The following LY6K variants were observed in gnomAD, a reference collection of about 807,000 sequenced individuals.
The protein encoded by LY6K is lymphocyte antigen 6K.
LY6K carries 9 observed loss-of-function variants against 10.4 expected under a neutral mutation model. The ratio of observed to expected loss-of-function variants is 0.87; its 90% confidence interval spans 0.52 to 1.52. The LOEUF (loss-of-function observed/expected upper bound fraction) is 1.52. Ranked by LOEUF, LY6K falls within the 40% of genes most tolerant of loss-of-function variation. The pLI, the probability that LY6K is intolerant of heterozygous loss-of-function variation, is 0.00. For synonymous variants in LY6K, 98 were observed against 83.7 expected, an observed-to-expected ratio of 1.17 and a Z score of -0.94; for missense variants, 217 against 211.7, an observed-to-expected ratio of 1.02 and a Z score of -0.15.
chr8:142,700,258 C>A lies in LY6K; in HGVS notation c.-270C>A. ...ACACGCGCCTTTCCCAGGGCTCCCG[C>A]GCCCGTTCCTGCCTGGCCGCCGGCC... On this transcript the variant is annotated 5_prime_UTR_variant, in exon 1 of 3. Coordinates refer to ENST00000292430, the MANE Select transcript of LY6K (RefSeq NM_017527.4). 9.1e-7 allele frequency: 1 copy of A among 1,096,370 alleles called. No homozygotes were observed. The highest frequency in any genetic ancestry group is 1.1e-6 in the Non-Finnish European group (1 of 873,248). The allele number at this position is 1,096,370 out of a possible 1,614,324, so 67.9% of individuals were successfully genotyped here. A position where few individuals can be genotyped will look rare whatever the true frequency, so the allele number is the denominator to read the frequency against.
Position 142,700,550 on chromosome 8 carries a change from T to C in LY6K, c.23T>C (p.Leu8Pro). MALLALL[L>P]VVALPRVWTD... is the part of the protein sequence containing the mutation. ...ACGATGGCGCTGCTCGCCTTGCTGC[T>C]GGTCGTGGCCCTACCGCGGGTGTGG... The change falls in exon 1 of 3, where the codon CTG becomes CCG. Residue 8 changes from leucine (L) to proline (P), a missense_variant. Physicochemically the swap from Leu to Pro is moderately conservative, Grantham distance 98 (BLOSUM62 -3). Coordinates refer to ENST00000292430, the MANE Select transcript of LY6K (RefSeq NM_017527.4). The C allele has an allele frequency of 6.3e-7, 1 of 1,587,432 alleles. No homozygotes were observed. The highest frequency in any genetic ancestry group is 1.1e-5 in the South Asian group (1 of 87,258).
In LY6K at chr8:142,700,389, T is replaced by A; in HGVS notation, c.-139T>A. 1 of 1,336,394 alleles carries A rather than the reference T, an allele frequency of 7.5e-7. No individual in the cohort carries two copies. The highest frequency in any genetic ancestry group is 9.6e-7 in the Non-Finnish European group (1 of 1,047,116). The allele number at this position is 1,336,394 out of a possible 1,614,324, so 82.8% of individuals were successfully genotyped here. The stretch of plus-strand genomic sequence containing the variant: ...AAAGACCCCGACAGGCCCCGGCGGG[T>A]GGGAGGCGCGCGCCCCGGGGCGGGC... On this transcript the variant is annotated 5_prime_UTR_variant, in exon 1 of 3. Coordinates refer to ENST00000292430, the MANE Select transcript of LY6K (RefSeq NM_017527.4).
At position 142,700,157 on chromosome 8, in the gene LY6K, A is replaced by T. The variant is rs1587556729; in HGVS notation, c.-371A>T. 1 of 224,882 alleles carries T rather than the reference A, an allele frequency of 4.4e-6. No homozygotes were observed. The highest frequency in any genetic ancestry group is 6.2e-5 in the Admixed American group (1 of 16,034). 13.9% of individuals were successfully genotyped at this position (224,882 alleles called of 1,614,324 possible). On this transcript the variant is annotated 5_prime_UTR_variant, in exon 1 of 3. Coordinates refer to ENST00000292430, the MANE Select transcript of LY6K (RefSeq NM_017527.4). ...TGCTCTTCAGCGGAGAAGATCCCCT[A>T]CCTGGCCGCCGGCCACTTTCTGTGG...
intron 2 of LY6K, chr8:142,702,770 G>C: frequency 6.7e-7 from 1 of 1,483,148 alleles, no homozygotes; most frequent in South Asian, 1.4e-5. Flanking sequence ...TGGGAGTCAT[G>C]TGTCTGTCTG....
intron 2 of LY6K, 190 bp from the exon 3 acceptor site, chr8:142,702,901 G>T: frequency 6.5e-7 from 1 of 1,549,764 alleles, no homozygotes; most frequent in Non-Finnish European, 8.7e-7. Context: ...GCAGAAGCCA[G>T]CCCTTCCCTG....
chr8:142,702,992 A>C, intron 2 of LY6K, 99 bp from the exon 3 acceptor site: 1 of 1,565,516 alleles, frequency 6.4e-7, no homozygotes, highest in Non-Finnish European at 8.7e-7. Context: ...ACCTTTGAGC[A>C]GGGCCGCCAG....
chr8:142,704,680 A>C lies in LY6K; in HGVS notation c.*1309A>C, dbSNP rs1266180134. On this transcript the variant is annotated 3_prime_UTR_variant, in exon 3 of 3. Transcript: ENST00000292430. ...GGTTGCCACGACCTTTGCCCTTGAC[A>C]TGTCTGCTTTTACTCTGATGGGACC... 1 of 152,148 alleles carries C rather than the reference A, an allele frequency of 6.6e-6. No homozygotes were observed. The highest frequency in any genetic ancestry group is 1.5e-5 in the Non-Finnish European group (1 of 68,028). The allele number at this position is 152,148 out of a possible 1,614,324, so 9.4% of individuals were successfully genotyped here.
rs1815126095 is a variant in LY6K, at chr8:142,703,465, C to G, written c.*94C>G. 1 of 1,466,812 alleles carries G rather than the reference C, an allele frequency of 6.8e-7. No homozygotes were observed. Among genetic ancestry groups the G allele is most frequent in the Non-Finnish European group, 9.1e-7 (1 of 1,103,020 alleles). 90.9% of individuals were successfully genotyped at this position (1,466,812 alleles called of 1,614,324 possible). ...ATTAAACTTGTTTTCTGTTGATTAC[C>G]TCTTGGTTTGACTTCCCAGGGTCTT... On this transcript the variant is annotated 3_prime_UTR_variant, in exon 3 of 3. Coordinates refer to ENST00000292430, the MANE Select transcript of LY6K (RefSeq NM_017527.4).
rs1554639966 is a variant in LY6K, at chr8:142,700,624, C to T, written c.97C>T (p.Arg33Ter). 1 of 1,554,042 alleles carries T rather than the reference C, an allele frequency of 6.4e-7. No homozygotes were observed. Among genetic ancestry groups the T allele is most frequent in the Non-Finnish European group, 8.7e-7 (1 of 1,151,744 alleles). Reference protein sequence around the residue: ...ARQRDPEDSQRTDEGDNRVWC... With the variant: ...ARQRDPEDSQ ...ACAACGAGATCCAGAGGACTCCCAG[C>T]GAACGGGTGAGCCTGGCTCGCCCTC... The change falls in exon 1 of 3, where the codon CGA (arginine) becomes TGA (stop). Residue 33 changes from arginine (R) to a stop codon, truncating the protein, a stop_gained. Coordinates refer to ENST00000292430, the MANE Select transcript of LY6K (RefSeq NM_017527.4). LOFTEE classifies it high-confidence loss of function.
At chr8:142,702,738 C>G in intron 2 of LY6K, 2 of 1,488,368 alleles carry the variant, frequency 1.3e-6, no homozygotes, top group Non-Finnish European at 1.8e-6. Flanking sequence ...AGCTCCACAC[C>G]CTGGGTGATG....
Position 142,703,222 on chromosome 8 carries a change from A to G in LY6K, c.349A>G (p.Lys117Glu). The change falls in exon 3 of 3, where the codon AAA becomes GAA. Residue 117 changes from lysine (K) to glutamate (E), a missense_variant. Transcript: ENST00000292430. ...PMPFFYLKCC[K>E]IRYCNLEGPP... ...GCCCTTCTTTTACCTCAAGTGTTGTAAAATTCGCTACTGCAATTTAGAGGG... is the reference window on the plus strand; with the variant it reads ...GCCCTTCTTTTACCTCAAGTGTTGTGAAATTCGCTACTGCAATTTAGAGGG... 6.2e-7 allele frequency: 1 copy of G among 1,614,184 alleles called. No homozygotes were observed. The highest frequency in any genetic ancestry group is 8.5e-7 in the Non-Finnish European group (1 of 1,180,030).
Position 142,700,446 on chromosome 8 carries a change from A to T in LY6K, c.-82A>T. On this transcript the variant is annotated 5_prime_UTR_variant, in exon 1 of 3. Coordinates refer to ENST00000292430, the MANE Select transcript of LY6K (RefSeq NM_017527.4). ...CCCCCTACCGGCCAGACCCGGGGAG[A>T]GGCGCGCGGAGGCTGCGAAGGTTCC... The T allele has an allele frequency of 6.8e-7, 1 of 1,468,538 alleles. No individual in the cohort carries two copies. Among genetic ancestry groups the T allele is most frequent in the African/African-American group, 1.5e-5 (1 of 68,420 alleles). 91.0% of individuals were successfully genotyped at this position (1,468,538 alleles called of 1,614,324 possible).
In LY6K at chr8:142,704,833, A is replaced by T. The variant is rs1287988338; in HGVS notation, c.*1462A>T. On this transcript the variant is annotated 3_prime_UTR_variant, in exon 3 of 3. Coordinates refer to ENST00000292430, the MANE Select transcript of LY6K (RefSeq NM_017527.4). ...TTCAGGATCTTGATTCCACTTGTTT[A>T]AAATGGCCATAGAACGCTTTTCTCT... 1 of 152,220 alleles carries T rather than the reference A, an allele frequency of 6.6e-6. No individual in the cohort carries two copies. The highest frequency in any genetic ancestry group is 1.5e-5 in the Non-Finnish European group (1 of 68,036). The allele number at this position is 152,220 out of a possible 1,614,324, so 9.4% of individuals were successfully genotyped here.
chr8:142,701,705 C>T lies in LY6K; in HGVS notation c.209C>T (p.Ala70Val), dbSNP rs146317062. The change falls in exon 2 of 3, where the codon GCG (alanine) becomes GTG (valine). Residue 70 changes from alanine (A) to valine (V), a missense_variant. Coordinates refer to ENST00000292430, the MANE Select transcript of LY6K (RefSeq NM_017527.4). The stretch of plus-strand genomic sequence containing the variant: ...TGGACAGAGCCATACTGCGTTATAG[C>T]GGCCGTGAGTGAGTATCTTCGCTCT... ...CKWTEPYCVI[A>V]AVKIFPRFFM... The T allele has an allele frequency of 8.5e-5, 137 of 1,610,600 alleles. No homozygotes were observed. The East Asian group carries it at 3.0e-3, about 35-fold the overall frequency.
In LY6K at chr8:142,700,299, C is replaced by T; in HGVS notation, c.-229C>T. 1 of 1,259,286 alleles carries T rather than the reference C, an allele frequency of 7.9e-7. No homozygotes were observed. Among genetic ancestry groups the T allele is most frequent in the Non-Finnish European group, 1.0e-6 (1 of 999,078 alleles). 78.0% of individuals were successfully genotyped at this position (1,259,286 alleles called of 1,614,324 possible). ...GCCGCCGGCCGCTCCAACAGCAGCA[C>T]AAGGCGGGACTCAGAACCGGCGTTC... On this transcript the variant is annotated 5_prime_UTR_variant, in exon 1 of 3. Transcript: ENST00000292430.
intron 1 of LY6K, 111 bp from the exon 2 acceptor site, chr8:142,701,489 G>T: frequency 2.8e-6 from 2 of 709,520 alleles, no homozygotes; most frequent in South Asian, 3.4e-5. Flanking sequence ...ACTGCTCAGG[G>T]GGAGAAGGAT....
At position 142,703,357 on chromosome 8, in the gene LY6K, C is replaced by T. The variant is rs782631167; in HGVS notation, c.484C>T (p.Leu162Phe). Reference sequence around the variant, plus strand: ...GCTGCTGGCCTCCATTGCAGCCGGCCTCAGCCTGTCTTGAGCCACGGGACT... The same window carrying T: ...GCTGCTGGCCTCCATTGCAGCCGGCTTCAGCCTGTCTTGAGCCACGGGACT... ...LLLLASIAAGLSLS is the reference protein window; with the variant it reads ...LLLLASIAAGFSLS Residue 162 changes from leucine (L) to phenylalanine (F), a missense_variant, in exon 3 of 3, where the codon CTC (leucine) becomes TTC (phenylalanine). Coordinates refer to ENST00000292430, the MANE Select transcript of LY6K (RefSeq NM_017527.4). 6 of 1,610,540 alleles carry T rather than the reference C, an allele frequency of 3.7e-6. No individual in the cohort carries two copies. Among genetic ancestry groups the T allele is most frequent in the Non-Finnish European group, 5.1e-6 (6 of 1,178,928 alleles).
intron 1 of LY6K, 146 bp from the exon 2 acceptor site, chr8:142,701,454 T>G: frequency 1.6e-6 from 1 of 634,172 alleles, no homozygotes; most frequent in South Asian, 1.8e-5. Context: ...CCCATGCGGC[T>G]CACTCGAGTC....
chr8:142,702,684 A>G lies in LY6K; in HGVS notation c.218-407A>G, dbSNP rs35386446. 8,627 of 1,513,078 alleles carry G rather than the reference A, an allele frequency of 5.7e-3. 35 individuals are homozygous for G. Among genetic ancestry groups the G allele is most frequent in the Non-Finnish European group, 6.8e-3 (7,678 of 1,128,170 alleles). 93.7% of individuals were successfully genotyped at this position (1,513,078 alleles called of 1,614,324 possible). A position where few individuals can be genotyped will look rare whatever the true frequency, so the allele number is the denominator to read the frequency against. ...GTATAAGATGAAGTGTGGTCATGAG[A>G]CAAGACCCCCAGCTCAGAGTCGAGC... On this transcript the variant is annotated intron_variant, in intron 2 of 2. Transcript: ENST00000292430.
Sources: allele counts gnomAD v4.1 joint callset, GRCh38; gene constraint gnomAD v4.1.1; transcripts MANE v1.5; gene names NCBI Gene and HGNC (gene_info 2026-07-23, HGNC 2026-07-21).